The following PCSK5 variants were observed in gnomAD, a reference collection of about 807,000 sequenced individuals.
The protein encoded by PCSK5 is prohormone convertase 5.
PCSK5 carries 129 observed loss-of-function variants against 233.2 expected under a neutral mutation model. The ratio of observed to expected loss-of-function variants is 0.55; its 90% confidence interval spans 0.48 to 0.64. The LOEUF (loss-of-function observed/expected upper bound fraction) is 0.64, where lower values mean the gene tolerates loss of function less well. Among genes scored for constraint, PCSK5 ranks in the 30% least tolerant of loss-of-function variants. The pLI is 0.00. For missense variants in PCSK5, 2,076 were observed against 2,430.1 expected, an observed-to-expected ratio of 0.85 and a Z score of 3.06; for synonymous variants, 825 against 879.2, an observed-to-expected ratio of 0.94 and a Z score of 1.09.
intron 10 of PCSK5, among the ~76,000 whole-genome samples, chr9:76,148,342 T>A (rs1296452321): frequency 1.6e-4 from 10 of 61,876 alleles, no homozygotes; most frequent in East Asian, 5.0e-3. Context: ...AGGGAGGGAG[T>A]TTCTCTCTCC....
chr9:76,072,172 C>G (rs1225528930), intron 7 of PCSK5, among the ~76,000 whole-genome samples: 1 of 152,176 alleles, frequency 6.6e-6, no homozygotes, highest in African/African-American at 2.4e-5. Context: ...ATACGTTAAT[C>G]TTGCATTTGG....
chr9:76,162,182 A>C (rs1822890552), intron 12 of PCSK5, among the ~76,000 whole-genome samples: 1 of 152,156 alleles, frequency 6.6e-6, no homozygotes, highest in Non-Finnish European at 1.5e-5. Context: ...CCAGTCCCAA[A>C]ACCATGAATG....
intron 24 of PCSK5, among the ~76,000 whole-genome samples, chr9:76,266,033 T>C (rs1157548391): frequency 6.6e-6 from 1 of 152,230 alleles, no homozygotes; most frequent in Non-Finnish European, 1.5e-5. Context: ...TTATTATGCC[T>C]GCCCATTTTT....
At chr9:76,102,924 T>C (rs1831823506) in intron 8 of PCSK5, among the ~76,000 whole-genome samples, 1 of 152,218 alleles carries the variant, frequency 6.6e-6, no homozygotes, top group Admixed American at 6.5e-5. Flanking sequence ...CTGAACATTA[T>C]GGAGATACAA....
At chr9:75,944,185 AT>A (rs1039984619) in intron 2 of PCSK5, among the ~76,000 whole-genome samples, 26 of 146,752 alleles carry the variant, frequency 1.8e-4, no homozygotes, top group African/African-American at 4.4e-4. Flanking sequence ...AAGAAAAAAA[AT>A]ATATATATAT....
chr9:76,032,340 A>G (rs1828686018), intron 5 of PCSK5, among the ~76,000 whole-genome samples: 1 of 152,166 alleles, frequency 6.6e-6, no homozygotes, highest in Non-Finnish European at 1.5e-5. Flanking sequence ...ATGAAATAGT[A>G]TAGATTATTA....
intron 5 of PCSK5, among the ~76,000 whole-genome samples, chr9:76,033,433 T>G (rs929931136): frequency 2.6e-5 from 4 of 152,160 alleles, no homozygotes; most frequent in African/African-American, 9.7e-5. Flanking sequence ...TTTTCAAATT[T>G]TTTTCTCTAA....
chr9:75,992,843 T>C (rs1276814490), intron 3 of PCSK5, among the ~76,000 whole-genome samples: 1 of 152,218 alleles, frequency 6.6e-6, no homozygotes, highest in East Asian at 1.9e-4. Context: ...TGGGTGGTTT[T>C]TCTGAAGGAA....
intron 20 of PCSK5, among the ~76,000 whole-genome samples, chr9:76,204,664 A>T (rs958589193): frequency 6.6e-6 from 1 of 152,184 alleles, no homozygotes; most frequent in African/African-American, 2.4e-5. Context: ...GACTCTAAGC[A>T]TGAGGGCAGG....
At chr9:76,091,890 A>C (rs1311712332) in intron 7 of PCSK5, among the ~76,000 whole-genome samples, 1 of 152,120 alleles carries the variant, frequency 6.6e-6, no homozygotes, top group East Asian at 1.9e-4. Context: ...TAATTCCCTC[A>C]AATTATCTGT....
At chr9:76,259,144 T>C (rs1827079456) in intron 24 of PCSK5, among the ~76,000 whole-genome samples, 1 of 152,206 alleles carries the variant, frequency 6.6e-6, no homozygotes. Flanking sequence ...TAGATAATGC[T>C]TGATGACTGA....
intron 32 of PCSK5, 24 bp downstream of exon 32, chr9:76,323,312 T>C (rs747686449): frequency 1.4e-5 from 20 of 1,414,332 alleles, no homozygotes; most frequent in Non-Finnish European, 1.8e-5. Context: ...GGATTCAAAA[T>C]AGGCTCCGGG....
At chr9:76,276,468 T>A (rs1218607247) in intron 24 of PCSK5, among the ~76,000 whole-genome samples, 1 of 152,114 alleles carries the variant, frequency 6.6e-6, no homozygotes, top group African/African-American at 2.4e-5. Context: ...TCCTATATGA[T>A]CTTGTCCTGC....
intron 5 of PCSK5, among the ~76,000 whole-genome samples, chr9:76,035,617 CAG>C (rs140965365): frequency 0.1 from 15,364 of 152,114 alleles, 1,024 homozygotes; most frequent in Non-Finnish European, 0.14. Context: ...ATTTAAGAAA[CAG>C]ACTCACAAAT....
At chr9:75,931,994 C>G (rs1366849250) in intron 1 of PCSK5, among the ~76,000 whole-genome samples, 1 of 152,168 alleles carries the variant, frequency 6.6e-6, no homozygotes, top group African/African-American at 2.4e-5. Flanking sequence ...TCAGAGCAAA[C>G]AAAATGCAAT....
chr9:75,895,843 A>AC (rs1825779068), intron 1 of PCSK5, among the ~76,000 whole-genome samples: 1 of 152,136 alleles, frequency 6.6e-6, no homozygotes, highest in Non-Finnish European at 1.5e-5. Context: ...TGTCCTGAAC[A>AC]CCTCCCACCC....
At chr9:75,982,195 A>C (rs1826306580) in intron 2 of PCSK5, among the ~76,000 whole-genome samples, 1 of 152,200 alleles carries the variant, frequency 6.6e-6, no homozygotes, top group African/African-American at 2.4e-5. Context: ...ACTTTACTCC[A>C]TCATACAGAT....
intron 7 of PCSK5, among the ~76,000 whole-genome samples, chr9:76,086,748 G>A (rs1255951212): frequency 6.6e-6 from 1 of 152,170 alleles, no homozygotes; most frequent in African/African-American, 2.4e-5. Flanking sequence ...AAGACTGGGT[G>A]CATTCTGGTC....
intron 30 of PCSK5, among the ~76,000 whole-genome samples, chr9:76,318,786 CT>C (rs1829106669): frequency 6.6e-6 from 1 of 152,118 alleles, no homozygotes; most frequent in Non-Finnish European, 1.5e-5. Context: ...GGCATTAACC[CT>C]TTTGAGTCTT....
Sources: gnomAD v4.1 joint callset for allele counts (sites outside exome capture counted in the v4.1 genomes callset) on GRCh38, gnomAD v4.1.1 for gene constraint, MANE v1.5 for transcripts, NCBI Gene and HGNC (gene_info 2026-07-23, HGNC 2026-07-21) for gene names.